The following HAT1 variants were observed in gnomAD, a reference collection of about 807,000 sequenced individuals.
The protein encoded by HAT1 is histone acetyltransferase type B catalytic subunit.
HAT1 carries 20 observed loss-of-function variants against 56.6 expected under a neutral mutation model. The ratio of observed to expected loss-of-function variants is 0.35; its 90% CI spans 0.25 to 0.51. The LOEUF is 0.51. Ranked by LOEUF, HAT1 falls within the 20% of genes least tolerant of loss-of-function variation. The pLI is 0.95. For synonymous variants in HAT1, 146 were observed against 165.5 expected (o/e 0.88, Z 0.91); for missense variants, 408 against 504.3 (o/e 0.81, Z 1.83).
intron 6 of HAT1, 148 bp from the exon 7 acceptor site, chr2:171,966,261 A>G (rs1481649649): frequency 6.1e-6 from 4 of 654,016 alleles, no homozygotes; most frequent in African/African-American, 3.6e-5. Context: ...AGTGAATTGT[A>G]CATTCAGAAC....
intron 4 of HAT1, among the ~76,000 whole-genome samples, chr2:171,962,818 A>C (rs1379032324): frequency 6.6e-6 from 1 of 152,224 alleles, no homozygotes; most frequent in Non-Finnish European, 1.5e-5. Flanking sequence ...TCTGGAATAC[A>C]GGGAATTTTT....
intron 4 of HAT1, among the ~76,000 whole-genome samples, chr2:171,955,597 A>C (rs897386272): frequency 6.6e-6 from 1 of 152,034 alleles, no homozygotes; most frequent in Non-Finnish European, 1.5e-5. Context: ...CCGGGGCAAC[A>C]AAAGCAAAAC....
chr2:171,965,325 CT>C lies in HAT1; in HGVS notation c.310-10del. 1.3e-6 allele frequency: 2 copies of C among 1,516,890 alleles called. No individual in the cohort carries two copies. The highest frequency in any genetic ancestry group is 1.8e-6 in the Non-Finnish European group (2 of 1,102,508). The allele number at this position is 1,516,890 out of a possible 1,614,324, so 94.0% of individuals were successfully genotyped here. ...GAATTTGTTATTAATTTTTTATATC[CT>C]TTATTCTTTAGGCAGATGATGTTGA... is the stretch of plus-strand genomic sequence containing the variant. On this transcript the variant is annotated splice_polypyrimidine_tract_variant and intron_variant, in intron 4 of 10. Transcript: ENST00000264108.
chr2:171,975,103 T>C (rs1304102405), intron 8 of HAT1, among the ~76,000 whole-genome samples: 1 of 120,296 alleles, frequency 8.3e-6, no homozygotes, highest in Admixed American at 8.8e-5. Flanking sequence ...ATTTTCTTTC[T>C]TTTTTTTTTT....
intron 3 of HAT1, among the ~76,000 whole-genome samples, chr2:171,951,985 G>A (rs1687319845): frequency 6.6e-6 from 1 of 152,092 alleles, no homozygotes; most frequent in South Asian, 2.1e-4. Context: ...CAGAAATTTG[G>A]AAATGACACT....
chr2:171,953,626 T>TAAAAAAAA lies in HAT1; in HGVS notation c.309+647_309+654dup, dbSNP rs587686867. On this transcript the variant is annotated intron_variant, in intron 4 of 10. Coordinates refer to ENST00000264108, the MANE Select transcript of HAT1 (RefSeq NM_003642.4). ...GGCAACAGAACAAGACCCTGTCTCT[T>TAAAAAAAA]AAAAAAAAAAAAAAAAAAAAAAAAA... Among the ~76,000 whole-genome samples, 237 of 84,558 alleles carry TAAAAAAAA rather than the reference T, an allele frequency of 2.8e-3. 15 individuals are homozygous for TAAAAAAAA. The highest frequency in any genetic ancestry group is 8.4e-3 in the East Asian group (13 of 1,540). The allele number at this position is 84,558 out of a possible 152,430, so 55.5% of individuals were successfully genotyped here.
chr2:171,955,928 C>T (rs1260349113), intron 4 of HAT1, among the ~76,000 whole-genome samples: 2 of 151,938 alleles, frequency 1.3e-5, no homozygotes, highest in Non-Finnish European at 2.9e-5. Flanking sequence ...GCCTGTAATC[C>T]CAGCTACTCG....
intron 4 of HAT1, chr2:171,964,708 GTT>G (rs1687645427): frequency 6.6e-6 from 1 of 152,138 alleles, no homozygotes; most frequent in South Asian, 2.1e-4. Flanking sequence ...TCCGAGTTTA[GTT>G]TTGTTGTCCA....
At chr2:171,974,655 T>C (rs1687916188) in intron 8 of HAT1, among the ~76,000 whole-genome samples, 1 of 152,234 alleles carries the variant, frequency 6.6e-6, no homozygotes, top group Admixed American at 6.5e-5. Context: ...CTCCCAGTTT[T>C]AGAGGGAAAG....
chr2:171,968,588 A>C (rs976655779), intron 8 of HAT1, among the ~76,000 whole-genome samples: 8 of 152,186 alleles, frequency 5.3e-5, no homozygotes, highest in African/African-American at 1.9e-4. Context: ...TAGAAACTGA[A>C]GTCTCTAAAA....
At chr2:171,967,724 A>C (rs1433170373) in intron 8 of HAT1, among the ~76,000 whole-genome samples, 1 of 152,178 alleles carries the variant, frequency 6.6e-6, no homozygotes, top group Non-Finnish European at 1.5e-5. Context: ...TTATTGAAAA[A>C]TACTTTACCA....
chr2:171,932,499 T>A (rs1245641778), intron 2 of HAT1, among the ~76,000 whole-genome samples: 1 of 152,206 alleles, frequency 6.6e-6, no homozygotes, highest in Non-Finnish European at 1.5e-5. Flanking sequence ...GTGATTTTTG[T>A]CTTTTAAAGT....
At chr2:171,971,389 C>A (rs975092257) in intron 8 of HAT1, among the ~76,000 whole-genome samples, 1 of 152,192 alleles carries the variant, frequency 6.6e-6, no homozygotes, top group East Asian at 1.9e-4. Context: ...CTGAAAAGAT[C>A]CTTCGTGTCC....
intron 9 of HAT1, among the ~76,000 whole-genome samples, chr2:171,976,647 T>C (rs1162173678): frequency 6.6e-6 from 1 of 152,194 alleles, no homozygotes; most frequent in Non-Finnish European, 1.5e-5. Flanking sequence ...CTGGAGACAT[T>C]ATTGGTGGGA....
At chr2:171,962,196 A>T (rs1245094447) in intron 4 of HAT1, among the ~76,000 whole-genome samples, 1 of 152,228 alleles carries the variant, frequency 6.6e-6, no homozygotes, top group Admixed American at 6.5e-5. Flanking sequence ...GAACATGTTC[A>T]TGTGTAATAA....
chr2:171,931,020 A>G (rs1322555567), intron 2 of HAT1, among the ~76,000 whole-genome samples: 3 of 152,116 alleles, frequency 2.0e-5, no homozygotes, highest in Middle Eastern at 3.4e-3. Context: ...ACAGTTGTCC[A>G]TTGGTATCTT....
At position 171,929,266 on chromosome 2, in the gene HAT1, T is replaced by A. The variant is rs115187969; in HGVS notation, c.112+3625T>A. On this transcript the variant is annotated intron_variant, in intron 2 of 10. Coordinates refer to ENST00000264108, the MANE Select transcript of HAT1 (RefSeq NM_003642.4). The stretch of plus-strand genomic sequence containing the variant: ...TTAATGTGGTTATCGACTATCTCCT[T>A]TTGGACTCATGTATTCACATCTTTT... 1.2e-3 allele frequency among the ~76,000 whole-genome samples: 179 copies of A among 152,316 alleles called. 1 individual carries two copies. The highest frequency in any genetic ancestry group is 4.1e-3 in the African/African-American group (170 of 41,566).
chr2:171,930,330 T>G (rs531100965), intron 2 of HAT1, among the ~76,000 whole-genome samples: 1 of 152,042 alleles, frequency 6.6e-6, no homozygotes, highest in African/African-American at 2.4e-5. Flanking sequence ...CCACCATGCC[T>G]GGCTAATTTT....
intron 2 of HAT1, among the ~76,000 whole-genome samples, chr2:171,930,552 C>T (rs139809459): frequency 9.1e-4 from 138 of 152,292 alleles, no homozygotes; most frequent in Middle Eastern, 3.4e-3. Flanking sequence ...CACAATGGCA[C>T]AGTTTGTGTA....
Sources: allele counts gnomAD v4.1 joint callset (sites outside exome capture counted in the v4.1 genomes callset), GRCh38; gene constraint gnomAD v4.1.1; transcripts MANE v1.5; gene names NCBI Gene and HGNC (gene_info 2026-07-23, HGNC 2026-07-21).